Variants in CSNK1G1 observed in about 807,000 individuals in gnomAD.
CSNK1G1 encodes casein kinase 1 gamma 1, also known as casein kinase I isoform gamma-1.
In CSNK1G1, 22 loss-of-function variants were observed where a neutral mutation model predicts 59.6. That is an observed-to-expected ratio of 0.37 (90% CI 0.26 to 0.53). The LOEUF is 0.53. Among genes scored for constraint, CSNK1G1 ranks in the 20% least tolerant of loss-of-function variants. The probability of loss-of-function intolerance (pLI) is 0.89; values close to 1 mark genes in which losing one functional copy is unlikely to be tolerated. For synonymous variants in CSNK1G1, 179 were observed against 177.1 expected, an observed-to-expected ratio of 1.01 and a Z score of -0.08; for missense variants, 384 against 519.5, an observed-to-expected ratio of 0.74 and a Z score of 2.54.
rs1028248796 is a variant in CSNK1G1, at chr15:64,171,665, G to A, written c.*266C>T. 8 of 536,384 alleles carry A rather than the reference G, an allele frequency of 1.5e-5. No homozygotes were observed. The highest frequency in any genetic ancestry group is 2.7e-5 in the Non-Finnish European group (8 of 299,194). The allele number at this position is 536,384 out of a possible 1,614,324, so 33.2% of individuals were successfully genotyped here. ...CCTTCACTGTAAACAATGGGAAGGA[G>A]AGTCAACCAGGCAGCCCTATGGGCA... On this transcript the variant is annotated 3_prime_UTR_variant, in exon 12 of 12. Coordinates refer to ENST00000303052, the MANE Select transcript of CSNK1G1 (RefSeq NM_022048.5). This position sits in a 1 kb window ranked among gnomAD's most constrained non-coding sequence, Gnocchi z 4.8.
Position 64,202,971 on chromosome 15 carries a change from T to A in CSNK1G1, c.1107+111A>T, listed in dbSNP as rs151082601. 60 of 801,246 alleles carry A rather than the reference T, an allele frequency of 7.5e-5. 1 individual carries two copies. In the East Asian group the frequency reaches 1.6e-3, roughly 21 times the overall value. The allele number at this position is 801,246 out of a possible 1,614,324, so 49.6% of individuals were successfully genotyped here. A position where few individuals can be genotyped will look rare whatever the true frequency, so the allele number is the denominator to read the frequency against. ...CACACCTGTAAGAAATGGCAAGCAT[T>A]TGATCTTTATTTTCAGTACATACAC... is the stretch of plus-strand genomic sequence containing the variant. On this transcript the variant is annotated intron_variant, in intron 10 of 11. Coordinates refer to ENST00000303052, the MANE Select transcript of CSNK1G1 (RefSeq NM_022048.5).
intron 10 of CSNK1G1, chr15:64,194,425 G>A (rs189966584): frequency 3.6e-4 from 54 of 149,654 alleles, no homozygotes; most frequent in African/African-American, 1.3e-3. Context: ...GTTTCCTTTA[G>A]AAAAATTATG....
chr15:64,323,512 T>C (rs910584437), intron 1 of CSNK1G1, among the ~76,000 whole-genome samples: 2 of 151,976 alleles, frequency 1.3e-5, no homozygotes, highest in Non-Finnish European at 2.9e-5. Context: ...ATTACAGGCA[T>C]GTGCCACCAC....
Position 64,300,707 on chromosome 15 carries a change from G to C in CSNK1G1, c.-208C>G. The C allele has an allele frequency of 8.0e-7, 1 of 1,245,576 alleles. No individual in the cohort carries two copies. The highest frequency in any genetic ancestry group is 3.1e-5 in the East Asian group (1 of 32,314). 77.2% of individuals were successfully genotyped at this position (1,245,576 alleles called of 1,614,324 possible). A position where few individuals can be genotyped will look rare whatever the true frequency, so the allele number is the denominator to read the frequency against. On this transcript the variant is annotated 5_prime_UTR_variant, in exon 2 of 12. Coordinates refer to ENST00000303052, the MANE Select transcript of CSNK1G1 (RefSeq NM_022048.5). ...ATGTAGTCACTAGGTCTCAATCTTAGGTGAACATCTTGTAACCTAGGTAAA... is the reference window on the plus strand; with the variant it reads ...ATGTAGTCACTAGGTCTCAATCTTACGTGAACATCTTGTAACCTAGGTAAA...
At chr15:64,329,056 C>T (rs1896989074) in intron 1 of CSNK1G1, among the ~76,000 whole-genome samples, 1 of 149,096 alleles carries the variant, frequency 6.7e-6, no homozygotes, top group Non-Finnish European at 1.5e-5. Flanking sequence ...GAGACTTAGA[C>T]TCCCACACAT....
At chr15:64,257,861 A>G (rs1479894919) in intron 3 of CSNK1G1, among the ~76,000 whole-genome samples, 1 of 152,096 alleles carries the variant, frequency 6.6e-6, no homozygotes, top group African/African-American at 2.4e-5. Flanking sequence ...AGGATATTTG[A>G]CCTGCATTGT....
intron 2 of CSNK1G1, among the ~76,000 whole-genome samples, chr15:64,285,245 T>C (rs775767089): frequency 6.6e-6 from 1 of 152,068 alleles, no homozygotes; most frequent in Non-Finnish European, 1.5e-5. Flanking sequence ...GAAAACCACA[T>C]AGCAATGTAG....
At chr15:64,264,984 A>C (rs1317119277) in intron 2 of CSNK1G1, among the ~76,000 whole-genome samples, 1 of 152,206 alleles carries the variant, frequency 6.6e-6, no homozygotes. Context: ...GCCCACTTTC[A>C]CCAATTTTAT....
intron 4 of CSNK1G1, among the ~76,000 whole-genome samples, chr15:64,219,778 T>C (rs1428153719): frequency 1.0e-5 from 1 of 98,736 alleles, no homozygotes; most frequent in African/African-American, 5.9e-5. Context: ...TTTTCTTTTC[T>C]TTTTTTTTTT....
chr15:64,176,270 G>A lies in CSNK1G1; in HGVS notation c.1214+4078C>T, dbSNP rs1308768005. 2.5e-6 allele frequency: 1 copy of A among 398,640 alleles called. No homozygotes were observed. The highest frequency in any genetic ancestry group is 2.1e-5 in the African/African-American group (1 of 48,626). 24.7% of individuals were successfully genotyped at this position (398,640 alleles called of 1,614,324 possible). A position where few individuals can be genotyped will look rare whatever the true frequency, so the allele number is the denominator to read the frequency against. ...TGGAGAGAGGGACTCACCACAGGTTGAGCATTTTCAGGCAGCTACAGAGTA... is the reference window on the plus strand; with the variant it reads ...TGGAGAGAGGGACTCACCACAGGTTAAGCATTTTCAGGCAGCTACAGAGTA... On this transcript the variant is annotated intron_variant, in intron 11 of 11. Transcript: ENST00000303052. The surrounding 1 kb of genome is among the most constrained non-coding windows in gnomAD (Gnocchi z 5.2).
intron 10 of CSNK1G1, among the ~76,000 whole-genome samples, chr15:64,191,966 A>C (rs1425131095): frequency 6.6e-6 from 1 of 152,258 alleles, no homozygotes; most frequent in Non-Finnish European, 1.5e-5. Context: ...TTGCAGTTTT[A>C]GAAAGCAACA....
chr15:64,298,627 T>C (rs1023955857), intron 2 of CSNK1G1, among the ~76,000 whole-genome samples: 1 of 152,178 alleles, frequency 6.6e-6, no homozygotes, highest in Non-Finnish European at 1.5e-5. Context: ...TCCATTCTCA[T>C]CATTCTTAAA....
Position 64,178,152 on chromosome 15 carries a change from A to T in CSNK1G1, c.1214+2196T>A, listed in dbSNP as rs151241051. On this transcript the variant is annotated intron_variant, in intron 11 of 11. Coordinates refer to ENST00000303052, the MANE Select transcript of CSNK1G1 (RefSeq NM_022048.5). ...CATGCCCCAAATGACTCCAAAGTGC[A>T]GCCAGTTGAGAGCCCAGAGGGTGGG... Among the ~76,000 whole-genome samples the T allele has an allele frequency of 0.015, 2,257 of 152,342 alleles. 240 individuals are homozygous for T. In the South Asian group the frequency reaches 0.29, roughly 20 times the overall value.
At chr15:64,228,872 G>T (rs1387676339) in intron 4 of CSNK1G1, among the ~76,000 whole-genome samples, 1 of 151,822 alleles carries the variant, frequency 6.6e-6, no homozygotes, top group Non-Finnish European at 1.5e-5. Flanking sequence ...CAAAAAATTA[G>T]CCAGGTGTGG....
chr15:64,262,057 A>G (rs1273496214), intron 2 of CSNK1G1, among the ~76,000 whole-genome samples: 1 of 152,204 alleles, frequency 6.6e-6, no homozygotes, highest in African/African-American at 2.4e-5. Context: ...TGACCTGATA[A>G]GATCTGTGAT....
At chr15:64,344,693 A>C (rs1897850312) in intron 1 of CSNK1G1, among the ~76,000 whole-genome samples, 1 of 152,236 alleles carries the variant, frequency 6.6e-6, no homozygotes, top group Non-Finnish European at 1.5e-5. Flanking sequence ...CAATGAAAAA[A>C]TTAGCACAGT....
chr15:64,336,053 C>T (rs1405040565), intron 1 of CSNK1G1, among the ~76,000 whole-genome samples: 5 of 152,100 alleles, frequency 3.3e-5, no homozygotes, highest in Non-Finnish European at 7.4e-5. Flanking sequence ...ATCCATCTAT[C>T]GATTTATGTG....
chr15:64,349,841 G>T lies in CSNK1G1; in HGVS notation c.-225+6147C>A, dbSNP rs189531153. On this transcript the variant is annotated intron_variant, in intron 1 of 11. Coordinates refer to ENST00000303052, the MANE Select transcript of CSNK1G1 (RefSeq NM_022048.5). The stretch of plus-strand genomic sequence containing the variant: ...TGTAATCCCAGCTACTCAGGAGGTT[G>T]AGGTGGAAGGATCACTTGAGCTCAG... Among the ~76,000 whole-genome samples the T allele has an allele frequency of 2.6e-5, 4 of 151,782 alleles. No homozygotes were observed. In the East Asian group the frequency reaches 7.8e-4, roughly 29 times the overall value.
chr15:64,271,986 A>G (rs1893334471), intron 2 of CSNK1G1, among the ~76,000 whole-genome samples: 1 of 151,932 alleles, frequency 6.6e-6, no homozygotes, highest in African/African-American at 2.4e-5. Context: ...ATTGAATTGA[A>G]CCTTTTACCA....
Sources: gnomAD v4.1 joint callset for allele counts (sites outside exome capture counted in the v4.1 genomes callset) on GRCh38, gnomAD v4.1.1 for gene constraint, Gnocchi (gnomAD v3.1) non-coding constraint, MANE v1.5 for transcripts, NCBI Gene and HGNC (gene_info 2026-07-23, HGNC 2026-07-21) for gene names.